The following DOK5 variants were observed in gnomAD, a reference collection of about 807,000 sequenced individuals.
DOK5 encodes docking protein 5.
In DOK5, 27 loss-of-function variants were observed where a neutral mutation model predicts 43.3. The observed-to-expected ratio is 0.62, with a 90% confidence interval of 0.46 to 0.86. The LOEUF (loss-of-function observed/expected upper bound fraction) is 0.86, where lower values mean the gene tolerates loss of function less well. Among genes scored for constraint, DOK5 ranks in the 40% least tolerant of loss-of-function variants. DOK5 has a pLI of 0.00. For missense variants in DOK5, 373 were observed against 392.9 expected, an observed-to-expected ratio of 0.95 and a Z score of 0.43; for synonymous variants, 146 against 140.1, an observed-to-expected ratio of 1.04 and a Z score of -0.30.
chr20:54,583,053 C>A (rs1005944894), intron 2 of DOK5, among the ~76,000 whole-genome samples: 3 of 151,942 alleles, frequency 2.0e-5, no homozygotes. Flanking sequence ...ACACAAATTT[C>A]GGTATGCTGT....
chr20:54,586,125 C>G (rs1190980579), intron 2 of DOK5, among the ~76,000 whole-genome samples: 4 of 152,142 alleles, frequency 2.6e-5, no homozygotes, highest in Non-Finnish European at 1.5e-5. Flanking sequence ...CAACAATAAA[C>G]TAGGCACGTT....
rs1055003038 is a variant in DOK5 at position 54,586,933 on chromosome 20, G to C, written c.175-1550G>C. ...TCTTGGTGGTCATTCTAAGGATGCA[G>C]GCTTTTGTCCCACGTGCAATGGGAA... On this transcript the variant is annotated intron_variant, in intron 2 of 7. Transcript: ENST00000262593. Among the ~76,000 whole-genome samples, 7 of 152,178 alleles carry C rather than the reference G, an allele frequency of 4.6e-5. No individual in the cohort carries two copies. The East Asian group carries it at 1.4e-3, about 29-fold the overall frequency.
In DOK5 at chr20:54,476,073, G is replaced by A. The variant is rs999654497; in HGVS notation, c.66+61G>A. ...GTTCGATTGTCTCTCTCTTGAGCCA[G>A]CATCCCTGGAGGGTGGACGGAGAGT... is the stretch of plus-strand genomic sequence containing the variant. On this transcript the variant is annotated intron_variant, in intron 1 of 7. Transcript: ENST00000262593. 1.9e-6 allele frequency: 3 copies of A among 1,600,854 alleles called. No individual in the cohort carries two copies. In the African/African-American group the frequency reaches 4.0e-5, roughly 21 times the overall value.
intron 1 of DOK5, among the ~76,000 whole-genome samples, chr20:54,532,762 G>A (rs1415185844): frequency 6.6e-6 from 1 of 152,148 alleles, no homozygotes; most frequent in African/African-American, 2.4e-5. Context: ...TCAAGTTTGG[G>A]CAAGATACCA....
At chr20:54,622,227 A>T (rs904465730) in intron 6 of DOK5, among the ~76,000 whole-genome samples, 17 of 152,244 alleles carry the variant, frequency 1.1e-4, no homozygotes, top group South Asian at 2.1e-4. Context: ...TAAAATAAAA[A>T]AAAGAGCTAA....
At chr20:54,646,302 G>A (rs1312258806) in intron 7 of DOK5, among the ~76,000 whole-genome samples, 2 of 128,902 alleles carry the variant, frequency 1.6e-5, no homozygotes, top group East Asian at 4.5e-4. Context: ...CGCCTAGGCT[G>A]GAGTGCAGTG....
intron 6 of DOK5, among the ~76,000 whole-genome samples, chr20:54,630,663 A>C (rs1342025147): frequency 6.6e-6 from 1 of 152,188 alleles, no homozygotes; most frequent in Non-Finnish European, 1.5e-5. Context: ...CGATCGTTTC[A>C]TATCACTGCA....
chr20:54,622,742 G>A (rs1265143103), intron 6 of DOK5, among the ~76,000 whole-genome samples: 1 of 152,172 alleles, frequency 6.6e-6, no homozygotes, highest in Non-Finnish European at 1.5e-5. Context: ...TCACTTCAGA[G>A]CATAAAATCA....
chr20:54,482,184 T>A (rs1353586153), intron 1 of DOK5, among the ~76,000 whole-genome samples: 1 of 152,214 alleles, frequency 6.6e-6, no homozygotes, highest in East Asian at 1.9e-4. Flanking sequence ...TAAGGAGAAA[T>A]GCCTCTTCAT....
At chr20:54,497,262 C>T (rs750281855) in intron 1 of DOK5, among the ~76,000 whole-genome samples, 2 of 152,182 alleles carry the variant, frequency 1.3e-5, no homozygotes, top group African/African-American at 4.8e-5. Context: ...CTTAATGAAT[C>T]AATGAATGAA....
chr20:54,528,928 A>C (rs932825593), intron 1 of DOK5, among the ~76,000 whole-genome samples: 1 of 152,214 alleles, frequency 6.6e-6, no homozygotes, highest in Non-Finnish European at 1.5e-5. Context: ...TCAGTCCAAG[A>C]TTAGCGACAT....
chr20:54,636,473 A>G (rs1168052260), intron 6 of DOK5, among the ~76,000 whole-genome samples: 4 of 152,132 alleles, frequency 2.6e-5, no homozygotes, highest in African/African-American at 9.7e-5. Flanking sequence ...GGCTGTTCAG[A>G]TTTTTGCATT....
chr20:54,536,485 T>G (rs1286622196), intron 1 of DOK5, among the ~76,000 whole-genome samples: 1 of 152,114 alleles, frequency 6.6e-6, no homozygotes, highest in Non-Finnish European at 1.5e-5. Flanking sequence ...AGCTGGGACA[T>G]TGCATGTAAA....
At chr20:54,616,784 C>CTTT (rs550110589) in intron 6 of DOK5, among the ~76,000 whole-genome samples, 61 of 105,738 alleles carry the variant, frequency 5.8e-4, no homozygotes, top group African/African-American at 1.3e-3. Context: ...TTTTTTTTTT[C>CTTT]TTTTTTTTTT....
At chr20:54,564,326 G>C (rs1232335990) in intron 2 of DOK5, among the ~76,000 whole-genome samples, 1 of 152,176 alleles carries the variant, frequency 6.6e-6, no homozygotes, top group Non-Finnish European at 1.5e-5. Flanking sequence ...AGCTACTCGG[G>C]AGGCTGAGGC....
intron 2 of DOK5, among the ~76,000 whole-genome samples, chr20:54,571,945 G>A (rs570443872): frequency 6.6e-6 from 1 of 152,104 alleles, no homozygotes; most frequent in Admixed American, 6.5e-5. Flanking sequence ...TTGCCTGGAA[G>A]CTCATCTTTG....
At chr20:54,476,701 G>A (rs1981442111) in intron 1 of DOK5, among the ~76,000 whole-genome samples, 1 of 152,174 alleles carries the variant, frequency 6.6e-6, no homozygotes, top group Admixed American at 6.5e-5. Flanking sequence ...CATAGCGCAA[G>A]TGCTCCCTAC....
chr20:54,481,035 CATCT>C (rs1186056662), intron 1 of DOK5, among the ~76,000 whole-genome samples: 25 of 119,508 alleles, frequency 2.1e-4, no homozygotes, highest in African/African-American at 5.4e-4. Context: ...ATCTATCTAT[CATCT>C]ATCTATCATC....
chr20:54,533,463 T>A (rs1983850422), intron 1 of DOK5, among the ~76,000 whole-genome samples: 1 of 152,244 alleles, frequency 6.6e-6, no homozygotes, highest in Non-Finnish European at 1.5e-5. Context: ...AAACATTTTT[T>A]TCTAACCTAT....
Sources: allele counts gnomAD v4.1 joint callset (sites outside exome capture counted in the v4.1 genomes callset), GRCh38; gene constraint gnomAD v4.1.1; transcripts MANE v1.5; gene names NCBI Gene and HGNC (gene_info 2026-07-23, HGNC 2026-07-21).